CDAN1: variants seen among roughly 807,000 people sequenced by gnomAD.
CDAN1 encodes the protein codanin-1.
In CDAN1, 107 loss-of-function variants were observed where a neutral mutation model predicts 139.8. That is an observed-to-expected ratio of 0.77 (90% CI 0.65 to 0.90). The LOEUF is 0.90. CDAN1 is among the 40% of genes least tolerant of loss of function. CDAN1 has a pLI of 0.00. For missense variants in CDAN1, 1,667 were observed against 1,575.7 expected (o/e 1.06, Z -0.98); for synonymous variants, 776 against 660.6 (o/e 1.17, Z -2.68).
chr15:42,731,587 G>A (rs1364440426), intron 11 of CDAN1, 33 bp downstream of exon 11: 6 of 1,605,800 alleles, frequency 3.7e-6, no homozygotes, highest in Non-Finnish European at 5.1e-6. Flanking sequence ...CCTGGCCTCT[G>A]CCCCATTCCT....
Position 42,728,718 on chromosome 15 carries a change from T to C in CDAN1, c.2738A>G (p.Gln913Arg). 6.2e-7 allele frequency: 1 copy of C among 1,614,172 alleles called. No homozygotes were observed. The highest frequency in any genetic ancestry group is 2.2e-5 in the East Asian group (1 of 44,874). ...TQGEEGGDPA[Q>R]LLEILCSQLC... Reference sequence around the variant, plus strand: ...CTGGGAACACAAGATCTCCAACAGCTGGGCTGGGTCTCCCCCTTCCTCTCC... The same window carrying C: ...CTGGGAACACAAGATCTCCAACAGCCGGGCTGGGTCTCCCCCTTCCTCTCC... Residue 913 changes from glutamine (Q) to arginine (R), a missense_variant, in exon 20 of 28, where the codon CAG becomes CGG. Gln to Arg is a conservative substitution (Grantham distance 43). Around this residue, in one of 3 missense-constraint regions of CDAN1, gnomAD observed 936 missense variants for 844.1 expected, o/e 1.11. Transcript: ENST00000356231.
chr15:42,728,124 C>A (rs1434488073), intron 21 of CDAN1, 80 bp downstream of exon 21: 7 of 1,587,050 alleles, frequency 4.4e-6, no homozygotes, highest in Non-Finnish European at 6.0e-6. Flanking sequence ...CCCCCACACA[C>A]CCTCCCGCAG....
intron 14 of CDAN1, 150 bp from the exon 15 acceptor site, chr15:42,730,365 C>CATGGG (rs2140482748): frequency 1.1e-6 from 1 of 890,038 alleles, no homozygotes; most frequent in East Asian, 2.5e-5. Flanking sequence ...CCGCCTCCTG[C>CATGGG]ATGGGGACTG....
chr15:42,734,091 G>GA lies in CDAN1; in HGVS notation c.1258-45dup, dbSNP rs149450721. The GA allele has an allele frequency of 2.6e-3, 4,166 of 1,595,018 alleles. 145 individuals carry two copies. In the East Asian group the frequency reaches 0.074, roughly 28 times the overall value. On this transcript the variant is annotated intron_variant, in intron 7 of 27. Coordinates refer to ENST00000356231, the MANE Select transcript of CDAN1 (RefSeq NM_138477.4). The stretch of plus-strand genomic sequence containing the variant: ...GTTAGGAACTGCAGGGTCATGCTGA[G>GA]AAAACTTCTCCCTCTTATTCTTGCC...
chr15:42,730,360 T>C, intron 14 of CDAN1, 145 bp from the exon 15 acceptor site: 1 of 901,216 alleles, frequency 1.1e-6, no homozygotes, highest in Non-Finnish European at 1.8e-6. Flanking sequence ...CAGCCCCGCC[T>C]CCTGCATGGG....
At position 42,729,742 on chromosome 15, in the gene CDAN1, C is replaced by G; in HGVS notation, c.2352+54G>C. 5 of 1,595,128 alleles carry G rather than the reference C, an allele frequency of 3.1e-6. No individual in the cohort carries two copies. The South Asian group carries it at 5.5e-5, about 18-fold the overall frequency. ...CCCTGGCTGGGCCTCCCCAGGCAGC[C>G]CACTTCCTTTATTCCTGAGTTTCCC... On this transcript the variant is annotated intron_variant, in intron 16 of 27. Transcript: ENST00000356231.
intron 8 of CDAN1, 50 bp from the exon 9 acceptor site, chr15:42,733,236 C>T: frequency 6.8e-7 from 1 of 1,468,810 alleles, no homozygotes; most frequent in Non-Finnish European, 9.5e-7. Flanking sequence ...CCCACCAGTG[C>T]CTTCCTGCCC....
Position 42,728,249 on chromosome 15 carries a change from G to T in CDAN1, c.2823C>A (p.Ser941Arg). ...GAAGCAGCGCCCGCACAGCCCCAGG[G>T]CTCTTCCTTTGACAGAACCTAAAAG... ...ALGREFCQRK[S>R]PGAVRALLPE... Residue 941 changes from serine to arginine, a missense_variant, in exon 21 of 28, where the codon AGC becomes AGA. Ser to Arg is a moderately radical substitution (Grantham distance 110). This residue lies in a region of CDAN1 where 936 missense variants were observed against 844.1 expected (regional missense o/e 1.11). Transcript: ENST00000356231. The T allele has an allele frequency of 6.2e-7, 1 of 1,613,880 alleles. No homozygotes were observed. The highest frequency in any genetic ancestry group is 8.5e-7 in the Non-Finnish European group (1 of 1,179,926).
Position 42,731,497 on chromosome 15 carries a change from G to A in CDAN1, c.1739+123C>T, listed in dbSNP as rs534132108. The A allele has an allele frequency of 6.0e-5, 85 of 1,409,352 alleles. No homozygotes were observed. In the Middle Eastern group the frequency reaches 1.4e-3, roughly 23 times the overall value. 87.3% of individuals were successfully genotyped at this position (1,409,352 alleles called of 1,614,324 possible). On this transcript the variant is annotated intron_variant, in intron 11 of 27. Transcript: ENST00000356231. ...CAGAATGAGAAGTGCAATGAAGCCA[G>A]CAAGTTGGAGCTGGAAGGAGCCTAT...
chr15:42,731,316 C>G lies in CDAN1; in HGVS notation c.1755G>C (p.Gln585His). 1 of 1,613,950 alleles carries G rather than the reference C, an allele frequency of 6.2e-7. No homozygotes were observed. Among genetic ancestry groups the G allele is most frequent in the Non-Finnish European group, 8.5e-7 (1 of 1,180,034 alleles). The change falls in exon 12 of 28, where the codon CAG becomes CAC. Residue 585 changes from glutamine to histidine, a missense_variant. Coordinates refer to ENST00000356231, the MANE Select transcript of CDAN1 (RefSeq NM_138477.4). ...TCAAGCTCAGACTGTCCATGAGATGCTGGTTAAACTGGAAGCTGAGAAGAA... is the reference window on the plus strand; with the variant it reads ...TCAAGCTCAGACTGTCCATGAGATGGTGGTTAAACTGGAAGCTGAGAAGAA... The part of the protein sequence containing the change: ...ILSASSFQFN[Q>H]HLMDSLSLKI...
At chr15:42,728,096 A>G in intron 21 of CDAN1, 63 bp from the exon 22 acceptor site, 1 of 1,589,186 alleles carries the variant, frequency 6.3e-7, no homozygotes, top group Non-Finnish European at 8.6e-7. Context: ...AGGATGCCAG[A>G]GTCGAGCACT....
intron 19 of CDAN1, 94 bp downstream of exon 19, chr15:42,728,929 C>T: frequency 5.1e-6 from 8 of 1,574,970 alleles, no homozygotes; most frequent in African/African-American, 1.4e-5. Flanking sequence ...CAGCCCCACA[C>T]CCACCCTCTG....
At chr15:42,727,421 CAG>C (rs999239176) in intron 23 of CDAN1, among the ~76,000 whole-genome samples, 198 bp downstream of exon 23, 37 of 152,184 alleles carry the variant, frequency 2.4e-4, no homozygotes, top group African/African-American at 7.7e-4. Flanking sequence ...ATTAAAAAGT[CAG>C]AGTGACAATT....
Position 42,729,614 on chromosome 15 carries a change from C to T in CDAN1, c.2361G>A (p.Ala787=), listed in dbSNP as rs377342875. The change falls in exon 17 of 28, where the codon GCG becomes GCA. Residue 787 remains alanine (A), a synonymous_variant. Coordinates refer to ENST00000356231, the MANE Select transcript of CDAN1 (RefSeq NM_138477.4). ...AGAGCAGCTGCTGGTCCACCACAGG[C>T]GCATTGTCCTGGGGAGAAAAGGTTG... ...TVAPEHGLDN[A]PVVDQQLLYT... is the part of the protein sequence containing the mutation. 3.7e-5 allele frequency: 60 copies of T among 1,613,988 alleles called. No homozygotes were observed. The Middle Eastern group carries it at 5.0e-4, about 13-fold the overall frequency.
chr15:42,726,527 G>A (rs987552043), intron 23 of CDAN1, 110 bp from the exon 24 acceptor site: 19 of 842,004 alleles, frequency 2.3e-5, no homozygotes, highest in African/African-American at 1.7e-4. Flanking sequence ...AATGGGCCCC[G>A]GGATATGGTG....
At chr15:42,729,927 C>T in intron 15 of CDAN1, 42 bp from the exon 16 acceptor site, 2 of 1,405,740 alleles carry the variant, frequency 1.4e-6, no homozygotes, top group Non-Finnish European at 2.0e-6. Context: ...CAGAGACCCC[C>T]ACCCAACCCA....
chr15:42,726,248 G>C (rs967403245), intron 24 of CDAN1, 62 bp downstream of exon 24: 1 of 1,598,500 alleles, frequency 6.3e-7, no homozygotes, highest in Non-Finnish European at 8.6e-7. Flanking sequence ...TGTGGCTCTG[G>C]TTATCAGGTC....
rs1278171118 is a variant in CDAN1 at position 42,736,644 on chromosome 15, G to T, written c.227C>A (p.Pro76Gln). The change falls in exon 2 of 28, where the codon CCG becomes CAG. Residue 76 changes from proline (P) to glutamine (Q), a missense_variant. Physicochemically the swap from Pro to Gln is moderately conservative, Grantham distance 76. Around this residue, in one of 3 missense-constraint regions of CDAN1, gnomAD observed 487 missense variants for 422.2 expected, o/e 1.15. Coordinates refer to ENST00000356231, the MANE Select transcript of CDAN1 (RefSeq NM_138477.4). ...CCCTGGCAAGGCTGCCGAGGCGCCC[G>T]GGGTCTTGGCGGGGGTCGGGGGCCC... ...PQGPPTPAKTPGASAALPGRP... is the reference protein window; with the variant it reads ...PQGPPTPAKTQGASAALPGRP... 2 of 1,525,380 alleles carry T rather than the reference G, an allele frequency of 1.3e-6. No individual in the cohort carries two copies. The highest frequency in any genetic ancestry group is 2.6e-5 in the East Asian group (1 of 37,952). 94.5% of individuals were successfully genotyped at this position (1,525,380 alleles called of 1,614,324 possible). A position where few individuals can be genotyped will look rare whatever the true frequency, so the allele number is the denominator to read the frequency against.
chr15:42,727,490 A>C (rs2061544439), intron 23 of CDAN1, 131 bp downstream of exon 23: 1 of 824,498 alleles, frequency 1.2e-6, no homozygotes, highest in South Asian at 2.3e-5. Context: ...TAATGAGTGA[A>C]ACGGGGACTA....
Sources: gnomAD v4.1 joint callset for allele counts (sites outside exome capture counted in the v4.1 genomes callset) on GRCh38, gnomAD v4.1.1 for gene constraint, gnomAD v4.1.1 regional missense constraint, MANE v1.5 for transcripts, NCBI Gene and HGNC (gene_info 2026-07-23, HGNC 2026-07-21) for gene names.